The following RRM1 variants were observed in gnomAD, a reference collection of about 807,000 sequenced individuals.
The protein encoded by RRM1 is ribonucleotide reductase catalytic subunit M1.
A neutral mutation model predicts 101.5 loss-of-function variants in RRM1; 19 were observed. That is an observed-to-expected ratio of 0.19 (90% CI 0.13 to 0.27). The LOEUF (loss-of-function observed/expected upper bound fraction) is 0.27, where lower values mean the gene tolerates loss of function less well. Among genes scored for constraint, RRM1 ranks in the 10% least tolerant of loss-of-function variants. RRM1 has a pLI of 1.00. For missense variants in RRM1, 500 were observed against 962.9 expected, an observed-to-expected ratio of 0.52 and a Z score of 6.36; for synonymous variants, 298 against 323.4, an observed-to-expected ratio of 0.92 and a Z score of 0.84.
chr11:4,130,746 C>G (rs1314878259), intron 15 of RRM1, among the ~76,000 whole-genome samples: 1 of 152,090 alleles, frequency 6.6e-6, no homozygotes, highest in Non-Finnish European at 1.5e-5. Flanking sequence ...TATTTTGGAG[C>G]TCTTTCTCTT....
intron 1 of RRM1, 106 bp downstream of exon 1, chr11:4,095,137 T>A (rs1424082195): frequency 7.5e-7 from 1 of 1,329,698 alleles, no homozygotes; most frequent in African/African-American, 1.5e-5. Flanking sequence ...TTCCCGCCTT[T>A]CCCGCATTTC....
chr11:4,111,717 A>G, intron 6 of RRM1, 77 bp downstream of exon 6: 1 of 1,345,428 alleles, frequency 7.4e-7, no homozygotes, highest in Non-Finnish European at 1.0e-6. Flanking sequence ...ATAAGTCTTA[A>G]TATTCTTGCT....
rs544953710 is a variant in RRM1, at chr11:4,132,745, A to T, written c.1905+324A>T. On this transcript the variant is annotated intron_variant, in intron 16 of 18. Transcript: ENST00000300738. The surrounding 1 kb of genome is among the most constrained non-coding windows in gnomAD (Gnocchi z 4.1). ...CAGATGCTTAAGTTAGGATACTCAA[A>T]ATGTATAAAGAAGTATCATTTAAGG... Among the ~76,000 whole-genome samples the T allele has an allele frequency of 6.6e-6, 1 of 152,218 alleles. No homozygotes were observed. Among genetic ancestry groups the T allele is most frequent in the East Asian group, 1.9e-4 (1 of 5,204 alleles).
At chr11:4,120,982 T>C (rs991626151) in intron 9 of RRM1, among the ~76,000 whole-genome samples, 27 of 152,178 alleles carry the variant, frequency 1.8e-4, no homozygotes, top group African/African-American at 6.5e-4. Flanking sequence ...ATTATACCAC[T>C]GCACTCCAGC....
At chr11:4,097,518 T>C (rs7130539) in intron 1 of RRM1, among the ~76,000 whole-genome samples, 7,378 of 152,122 alleles carry the variant, frequency 0.049, 186 homozygotes, top group South Asian at 0.08. Context: ...TGCATAGGGT[T>C]TTTGGTTTTC....
chr11:4,131,096 G>A (rs1389048492), intron 15 of RRM1, among the ~76,000 whole-genome samples: 1 of 152,216 alleles, frequency 6.6e-6, no homozygotes, highest in Non-Finnish European at 1.5e-5. Flanking sequence ...AGGTTTAATT[G>A]ACTCACAGTT....
chr11:4,098,095 A>G (rs2094546065), intron 1 of RRM1, among the ~76,000 whole-genome samples: 1 of 152,238 alleles, frequency 6.6e-6, no homozygotes, highest in African/African-American at 2.4e-5. Context: ...TTTGGAATTT[A>G]GTGTAGTATT....
chr11:4,096,295 C>T (rs78306477), intron 1 of RRM1, among the ~76,000 whole-genome samples: 1,744 of 152,306 alleles, frequency 0.011, 30 homozygotes, highest in African/African-American at 0.039. Context: ...TCCCAAAGTG[C>T]TGGGAATACA....
At chr11:4,095,925 T>C (rs1662172) in intron 1 of RRM1, among the ~76,000 whole-genome samples, 78,853 of 152,076 alleles carry the variant, frequency 0.52, 20,927 homozygotes, top group Non-Finnish European at 0.59. Flanking sequence ...CCTACTTGCC[T>C]TTGTTAAAGC....
rs537873445 is a variant in RRM1, at chr11:4,120,312, G to A, written c.876+384G>A. Among the ~76,000 whole-genome samples, 23 of 151,976 alleles carry A rather than the reference G, an allele frequency of 1.5e-4. No homozygotes were observed. The South Asian group carries it at 4.6e-3, about 30-fold the overall frequency. On this transcript the variant is annotated intron_variant, in intron 9 of 18. Coordinates refer to ENST00000300738, the MANE Select transcript of RRM1 (RefSeq NM_001033.5). Reference sequence around the variant, plus strand: ...AGTTCGTTTGCAAAGAATTTCTCAAGTTGTAATTCATATAAATTTGTTACT... The same window carrying A: ...AGTTCGTTTGCAAAGAATTTCTCAAATTGTAATTCATATAAATTTGTTACT...
chr11:4,109,279 C>T (rs1232079893), intron 4 of RRM1, among the ~76,000 whole-genome samples: 1 of 151,668 alleles, frequency 6.6e-6, no homozygotes, highest in Admixed American at 6.6e-5. Flanking sequence ...AATCTAAAAA[C>T]ATGTTTAAGG....
At chr11:4,123,104 T>G (rs1565186623) in intron 11 of RRM1, 79 bp from the exon 12 acceptor site, 11 of 1,057,280 alleles carry the variant, frequency 1.0e-5, no homozygotes, top group Non-Finnish European at 1.5e-5. Context: ...CATAACTTTA[T>G]ATTTTAATGT....
chr11:4,099,951 C>CA (rs1554973200), intron 1 of RRM1, among the ~76,000 whole-genome samples: 9 of 152,166 alleles, frequency 5.9e-5, no homozygotes, highest in South Asian at 4.2e-4. Context: ...TTTCCCCCCC[C>CA]ACTGCATGTA....
At chr11:4,120,817 C>G (rs1160645967) in intron 9 of RRM1, among the ~76,000 whole-genome samples, 1 of 152,146 alleles carries the variant, frequency 6.6e-6, no homozygotes, top group Non-Finnish European at 1.5e-5. Context: ...ACCACGAGTT[C>G]AAGCTCACGA....
At chr11:4,103,255 A>G (rs1397297270) in intron 2 of RRM1, among the ~76,000 whole-genome samples, 7 of 152,366 alleles carry the variant, frequency 4.6e-5, no homozygotes, top group African/African-American at 1.7e-4. Context: ...TTTGGTCAAG[A>G]GAAAATGATT....
Position 4,107,447 on chromosome 11 carries a change from ACC to A in RRM1, c.300_301del (p.Tyr102Ter). The A allele has an allele frequency of 6.2e-7, 1 of 1,606,108 alleles. No individual in the cohort carries two copies. The highest frequency in any genetic ancestry group is 1.1e-5 in the South Asian group (1 of 90,634). ...TTGTATTTTTTAGATGTGATGGAAG[ACC>A]TCTATAACTACATAAATCCACATAA... On this transcript the variant is annotated frameshift_variant, in exon 4 of 19. Coordinates refer to ENST00000300738, the MANE Select transcript of RRM1 (RefSeq NM_001033.5). LOFTEE classifies it high-confidence loss of function.
intron 1 of RRM1, among the ~76,000 whole-genome samples, chr11:4,097,470 T>A (rs141402478): frequency 8.6e-5 from 13 of 151,882 alleles, no homozygotes; most frequent in African/African-American, 3.1e-4. Flanking sequence ...TTTTTTTTTT[T>A]ATATTTCTAT....
chr11:4,111,670 T>C, intron 6 of RRM1, 30 bp downstream of exon 6: 1 of 1,554,042 alleles, frequency 6.4e-7, no homozygotes, highest in Non-Finnish European at 8.8e-7. Flanking sequence ...GTCTGTTACA[T>C]TTTCTACTCA....
At chr11:4,111,807 TTCCTTTTGGTG>T in intron 6 of RRM1, 82 bp from the exon 7 acceptor site, 1 of 1,324,356 alleles carries the variant, frequency 7.6e-7, no homozygotes, top group Non-Finnish European at 1.0e-6. Context: ...TTTTTCTAGT[TTCCTTTTGGTG>T]TCCTTTTCTG....
Sources: allele counts gnomAD v4.1 joint callset (sites outside exome capture counted in the v4.1 genomes callset), GRCh38; gene constraint gnomAD v4.1.1; non-coding constraint Gnocchi (gnomAD v3.1); transcripts MANE v1.5; gene names NCBI Gene and HGNC (gene_info 2026-07-23, HGNC 2026-07-21).